SOS2: variants seen among roughly 807,000 people sequenced by gnomAD.
SOS2 encodes SOS Ras/Rho guanine nucleotide exchange factor 2, also known as son of sevenless homolog 2.
In SOS2, 65 loss-of-function variants were observed where a neutral mutation model predicts 148.2. The observed-to-expected ratio is 0.44, with a 90% CI of 0.36 to 0.54. The LOEUF (loss-of-function observed/expected upper bound fraction) is 0.54, where lower values mean the gene tolerates loss of function less well. Ranked by LOEUF, SOS2 falls within the 20% of genes least tolerant of loss-of-function variation. The pLI, the probability that SOS2 is intolerant of heterozygous loss-of-function variation, is 0.00. For missense variants in SOS2, 1,341 were observed against 1,590.2 expected, an observed-to-expected ratio of 0.84 and a Z score of 2.67; for synonymous variants, 539 against 537.1, an observed-to-expected ratio of 1.00 and a Z score of -0.05.
chr14:50,202,116 C>T (rs1463646348), intron 2 of SOS2, among the ~76,000 whole-genome samples: 1 of 152,136 alleles, frequency 6.6e-6, no homozygotes, highest in African/African-American at 2.4e-5. Context: ...GCACATACCC[C>T]TACTCTTGGC....
chr14:50,162,002 G>A (rs1885025818), intron 8 of SOS2, among the ~76,000 whole-genome samples: 2 of 151,424 alleles, frequency 1.3e-5, no homozygotes, highest in African/African-American at 4.9e-5. Context: ...TTCTGCCTCT[G>A]CCTCCCAAAG....
intron 11 of SOS2, 81 bp downstream of exon 11, chr14:50,158,480 GTATT>G: frequency 1.4e-6 from 1 of 703,184 alleles, no homozygotes; most frequent in Non-Finnish European, 2.4e-6. Context: ...ATTAACTTGA[GTATT>G]TATTAGGTAC....
chr14:50,132,543 C>T (rs1226770587), intron 19 of SOS2, among the ~76,000 whole-genome samples: 1 of 151,810 alleles, frequency 6.6e-6, no homozygotes, highest in Non-Finnish European at 1.5e-5. Context: ...CACCTGTTAT[C>T]CCAGTTACGT....
chr14:50,120,981 G>A (rs942847823), intron 21 of SOS2, among the ~76,000 whole-genome samples: 2 of 151,826 alleles, frequency 1.3e-5, no homozygotes, highest in African/African-American at 2.4e-5. Context: ...CTTGTGATCC[G>A]CCCACCTCGG....
intron 8 of SOS2, among the ~76,000 whole-genome samples, chr14:50,172,776 T>C (rs1445686963): frequency 2.0e-5 from 3 of 152,144 alleles, no homozygotes; most frequent in Non-Finnish European, 4.4e-5. Flanking sequence ...TCTTTTCCCA[T>C]TTCTAATTCC....
At chr14:50,198,668 TGAGA>T (rs143639680) in intron 4 of SOS2, among the ~76,000 whole-genome samples, 3 of 152,246 alleles carry the variant, frequency 2.0e-5, no homozygotes, top group Admixed American at 6.5e-5. Context: ...TTGTTCACCC[TGAGA>T]GAGTTTCATT....
intron 13 of SOS2, among the ~76,000 whole-genome samples, chr14:50,150,693 C>G (rs1439609753): frequency 6.6e-6 from 1 of 151,792 alleles, no homozygotes; most frequent in African/African-American, 2.4e-5. Context: ...TCCCAAGTAG[C>G]TGGGACTGCA....
At chr14:50,175,920 A>G (rs186688422) in intron 7 of SOS2, among the ~76,000 whole-genome samples, 1 of 152,232 alleles carries the variant, frequency 6.6e-6, no homozygotes, top group African/African-American at 2.4e-5. Context: ...CAAACTTCTT[A>G]CTAGGATACA....
chr14:50,189,852 T>TA (rs1010517070), intron 4 of SOS2, among the ~76,000 whole-genome samples: 21 of 122,488 alleles, frequency 1.7e-4, no homozygotes, highest in Admixed American at 2.7e-4. Context: ...TATTTTTTAT[T>TA]TTTTTTTTTT....
intron 2 of SOS2, among the ~76,000 whole-genome samples, chr14:50,202,746 CACA>C (rs1566478182): frequency 2.0e-5 from 3 of 151,756 alleles, no homozygotes; most frequent in Admixed American, 6.6e-5. Context: ...TAAAACAAAA[CACA>C]ACAAAACCCA....
At chr14:50,186,024 C>T (rs1020999535) in intron 5 of SOS2, among the ~76,000 whole-genome samples, 1 of 152,104 alleles carries the variant, frequency 6.6e-6, no homozygotes, top group Middle Eastern at 3.2e-3. Flanking sequence ...ATGCTCCTGG[C>T]ACATATTAGG....
rs1210038338 is a variant in SOS2 at position 50,158,478 on chromosome 14, G to A, written c.1934+87C>T. On this transcript the variant is annotated intron_variant, in intron 11 of 22. Coordinates refer to ENST00000216373, the MANE Select transcript of SOS2 (RefSeq NM_006939.4). ...ATAAAATATGTTCAATAATTAACTT[G>A]AGTATTTATTAGGTACTAGGCACTT... 10 of 689,734 alleles carry A rather than the reference G, an allele frequency of 1.4e-5. No homozygotes were observed. In the Admixed American group the frequency reaches 2.7e-4, roughly 19 times the overall value. The allele number at this position is 689,734 out of a possible 1,614,324, so 42.7% of individuals were successfully genotyped here. A position where few individuals can be genotyped will look rare whatever the true frequency, so the allele number is the denominator to read the frequency against.
At chr14:50,181,707 AAC>A (rs1263843677) in intron 6 of SOS2, among the ~76,000 whole-genome samples, 3 of 152,090 alleles carry the variant, frequency 2.0e-5, no homozygotes, top group East Asian at 1.9e-4. Flanking sequence ...TATTTTTGCA[AAC>A]ACACATACAT....
intron 1 of SOS2, among the ~76,000 whole-genome samples, chr14:50,226,237 G>A (rs1887370317): frequency 6.6e-6 from 1 of 152,122 alleles, no homozygotes; most frequent in Non-Finnish European, 1.5e-5. Flanking sequence ...GAGCCCAGGA[G>A]TTCAAGACCA....
chr14:50,177,051 TTCTA>T, intron 7 of SOS2, among the ~76,000 whole-genome samples: 3 of 152,028 alleles, frequency 2.0e-5, no homozygotes, highest in Non-Finnish European at 4.4e-5. Flanking sequence ...AAGCCTTAAG[TTCTA>T]ACTTCAAATC....
chr14:50,159,797 T>G lies in SOS2; in HGVS notation c.1486A>C (p.Lys496Gln), dbSNP rs763158161. 2 of 1,614,112 alleles carry G rather than the reference T, an allele frequency of 1.2e-6. No individual in the cohort carries two copies. The highest frequency in any genetic ancestry group is 2.2e-5 in the South Asian group (2 of 91,088). Residue 496 changes from lysine (K) to glutamine (Q), a missense_variant, in exon 10 of 23, where the codon AAA (lysine) becomes CAA (glutamine). By Grantham distance (53) the Lys-to-Gln change is moderately conservative (BLOSUM62 1). Coordinates refer to ENST00000216373, the MANE Select transcript of SOS2 (RefSeq NM_006939.4). ...YRLKEKFVMR[K>Q]IQICDKEDTC... Reference sequence around the variant, plus strand: ...TCTTCTTTATCACAAATTTGTATTTTCCTCATGACAAATTTTTCTTTTAAC... The same window carrying G: ...TCTTCTTTATCACAAATTTGTATTTGCCTCATGACAAATTTTTCTTTTAAC...
chr14:50,137,756 C>T (rs919210304), intron 18 of SOS2, among the ~76,000 whole-genome samples: 2 of 151,832 alleles, frequency 1.3e-5, no homozygotes, highest in South Asian at 4.2e-4. Context: ...TAGAATAATC[C>T]CATCATGGAG....
intron 8 of SOS2, among the ~76,000 whole-genome samples, chr14:50,169,688 T>C (rs1457733592): frequency 6.6e-6 from 1 of 152,110 alleles, no homozygotes; most frequent in Non-Finnish European, 1.5e-5. Context: ...CATGGCAATA[T>C]ATATTGTTAT....
At position 50,120,494 on chromosome 14, in the gene SOS2, T is replaced by C. The variant is rs937862239; in HGVS notation, c.3380-110A>G. 15 of 644,534 alleles carry C rather than the reference T, an allele frequency of 2.3e-5. No individual in the cohort carries two copies. In the African/African-American group the frequency reaches 2.8e-4, roughly 12 times the overall value. 39.9% of individuals were successfully genotyped at this position (644,534 alleles called of 1,614,324 possible). On this transcript the variant is annotated intron_variant, in intron 21 of 22. Coordinates refer to ENST00000216373, the MANE Select transcript of SOS2 (RefSeq NM_006939.4). ...GGCATTTGTCAGACTGTATCAACTA[T>C]TGGTTTATCTATCTTCCCCCATTAA...
Sources: allele counts gnomAD v4.1 joint callset (sites outside exome capture counted in the v4.1 genomes callset), GRCh38; gene constraint gnomAD v4.1.1; transcripts MANE v1.5; gene names NCBI Gene and HGNC (gene_info 2026-07-23, HGNC 2026-07-21).